The following BABAM2 variants were observed in gnomAD, a reference collection of about 807,000 sequenced individuals.
BABAM2 encodes the protein BRISC and BRCA1-A complex member 2.
BABAM2 carries 31 observed loss-of-function variants against 54.7 expected under a neutral mutation model. The ratio of observed to expected loss-of-function variants is 0.57; its 90% CI spans 0.43 to 0.77. The LOEUF is 0.77. BABAM2 is among the 30% of genes least tolerant of loss of function. The pLI is 0.00. For synonymous variants in BABAM2, 167 were observed against 162.9 expected, an observed-to-expected ratio of 1.03 and a Z score of -0.19; for missense variants, 364 against 455.8, an observed-to-expected ratio of 0.80 and a Z score of 1.83.
chr2:28,111,548 T>C lies in BABAM2; in HGVS notation c.571-17723T>C, dbSNP rs547300228. On this transcript the variant is annotated intron_variant, in intron 6 of 11. Transcript: ENST00000379624. Reference sequence around the variant, plus strand: ...TATCACTTGTATACTTATTCTTAAATCCTAAACTTTGTGTAAAATATCTTC... The same window carrying C: ...TATCACTTGTATACTTATTCTTAAACCCTAAACTTTGTGTAAAATATCTTC... Among the ~76,000 whole-genome samples, 42 of 152,340 alleles carry C rather than the reference T, an allele frequency of 2.8e-4. No individual in the cohort carries two copies. The South Asian group carries it at 8.5e-3, about 31-fold the overall frequency.
intron 2 of BABAM2, among the ~76,000 whole-genome samples, chr2:27,907,192 C>T (rs1458825819): frequency 6.6e-6 from 1 of 152,020 alleles, no homozygotes; most frequent in East Asian, 1.9e-4. Context: ...TTTCTAATGG[C>T]ATGTTATGAA....
chr2:28,131,869 A>G (rs1670107052), intron 7 of BABAM2, among the ~76,000 whole-genome samples: 1 of 152,174 alleles, frequency 6.6e-6, no homozygotes, highest in Non-Finnish European at 1.5e-5. Flanking sequence ...AGTTAATGAA[A>G]CAATCGCAAG....
chr2:28,026,805 A>G (rs1362308128), intron 5 of BABAM2, among the ~76,000 whole-genome samples: 1 of 76,554 alleles, frequency 1.3e-5, no homozygotes, highest in African/African-American at 5.6e-5. Flanking sequence ...TTATATAAAA[A>G]ATATATAAAT....
At chr2:28,026,663 A>G (rs575490750) in intron 5 of BABAM2, among the ~76,000 whole-genome samples, 50 of 147,214 alleles carry the variant, frequency 3.4e-4, no homozygotes, top group Admixed American at 7.7e-4. Context: ...GCAAACCACC[A>G]TGGCATGTGT....
intron 10 of BABAM2, among the ~76,000 whole-genome samples, chr2:28,293,545 G>A (rs1447870441): frequency 6.6e-6 from 1 of 152,202 alleles, no homozygotes; most frequent in African/African-American, 2.4e-5. Context: ...TGCAACCCGC[G>A]GAACCCATCA....
At chr2:28,076,481 TTTAG>T (rs148940632) in intron 6 of BABAM2, among the ~76,000 whole-genome samples, 4,705 of 146,466 alleles carry the variant, frequency 0.032, 234 homozygotes, top group African/African-American at 0.11. Context: ...TATTTATTTA[TTTAG>T]TTAGTTAGTT....
rs1018286848 is a variant in BABAM2 at position 28,332,073 on chromosome 2, C to G, written c.1089-6377C>G. ...GCAAACTAACACCGGAACAGAAAAC[C>G]AAACACATGTTGTCTCTTATAAGTG... is the stretch of plus-strand genomic sequence containing the variant. On this transcript the variant is annotated intron_variant, in intron 11 of 11. Coordinates refer to ENST00000379624, the MANE Select transcript of BABAM2 (RefSeq NM_199191.3). Among the ~76,000 whole-genome samples the G allele has an allele frequency of 2.0e-5, 3 of 152,250 alleles. No individual in the cohort carries two copies. In the South Asian group the frequency reaches 6.2e-4, roughly 32 times the overall value.
rs1246798120 is a variant in BABAM2 at position 28,329,217 on chromosome 2, C to T, written c.1089-9233C>T. Reference sequence around the variant, plus strand: ...CTGAGCTAGAGGGCAGAGGGGTGGCCGAGAGGAACAGGCCTTCATGTCCCC... The same window carrying T: ...CTGAGCTAGAGGGCAGAGGGGTGGCTGAGAGGAACAGGCCTTCATGTCCCC... On this transcript the variant is annotated intron_variant, in intron 11 of 11. Coordinates refer to ENST00000379624, the MANE Select transcript of BABAM2 (RefSeq NM_199191.3). This position sits in a 1 kb window ranked among gnomAD's most constrained non-coding sequence, Gnocchi z 4.2. Among the ~76,000 whole-genome samples the T allele has an allele frequency of 6.6e-6, 1 of 152,188 alleles. No homozygotes were observed. Among genetic ancestry groups the T allele is most frequent in the Non-Finnish European group, 1.5e-5 (1 of 68,044 alleles).
At chr2:28,003,018 G>T (rs1423148037) in intron 4 of BABAM2, among the ~76,000 whole-genome samples, 33 of 152,112 alleles carry the variant, frequency 2.2e-4, no homozygotes, top group Non-Finnish European at 4.4e-5. Context: ...ATCATCTAGA[G>T]GGTGTTTTAG....
intron 7 of BABAM2, among the ~76,000 whole-genome samples, chr2:28,197,659 G>A (rs946709359): frequency 6.6e-6 from 1 of 152,146 alleles, no homozygotes; most frequent in Non-Finnish European, 1.5e-5. Flanking sequence ...TAGTAACAAA[G>A]CCCCATTCCA....
At chr2:28,274,597 A>AT (rs1320997049) in intron 10 of BABAM2, among the ~76,000 whole-genome samples, 1 of 151,984 alleles carries the variant, frequency 6.6e-6, no homozygotes, top group Non-Finnish European at 1.5e-5. Flanking sequence ...TGCCCAGCTA[A>AT]TTTTTTGTGT....
chr2:27,907,027 T>G (rs1286646897), intron 2 of BABAM2, among the ~76,000 whole-genome samples: 1 of 152,186 alleles, frequency 6.6e-6, no homozygotes, highest in Non-Finnish European at 1.5e-5. Flanking sequence ...CACTCATATG[T>G]TAAAAGTCTC....
intron 4 of BABAM2, among the ~76,000 whole-genome samples, chr2:28,006,673 G>A (rs1197243663): frequency 6.6e-6 from 1 of 151,982 alleles, no homozygotes; most frequent in African/African-American, 2.4e-5. Flanking sequence ...ATCAAGTAAG[G>A]TGAATGATAC....
chr2:28,248,572 C>CA (rs1299880955), intron 10 of BABAM2, among the ~76,000 whole-genome samples: 3 of 151,764 alleles, frequency 2.0e-5, no homozygotes, highest in East Asian at 1.9e-4. Flanking sequence ...AGTAACAGAA[C>CA]AAAAAAAATC....
chr2:28,337,725 C>G (rs1691593909), intron 11 of BABAM2, among the ~76,000 whole-genome samples: 1 of 152,218 alleles, frequency 6.6e-6, no homozygotes, highest in Admixed American at 6.5e-5. Flanking sequence ...TGGCTCAGGC[C>G]TATAATCCCA....
At chr2:28,040,626 G>T (rs984062263) in intron 5 of BABAM2, among the ~76,000 whole-genome samples, 2 of 152,032 alleles carry the variant, frequency 1.3e-5, no homozygotes, top group Non-Finnish European at 2.9e-5. Context: ...GAGTCTTAGC[G>T]TTCAACATTT....
At chr2:28,058,085 A>G (rs1372191331) in intron 6 of BABAM2, among the ~76,000 whole-genome samples, 1 of 152,048 alleles carries the variant, frequency 6.6e-6, no homozygotes, top group Non-Finnish European at 1.5e-5. Flanking sequence ...CGGAGCTTGC[A>G]GTAAGCCAAG....
At chr2:28,016,782 T>C (rs1176403661) in intron 4 of BABAM2, among the ~76,000 whole-genome samples, 3 of 152,252 alleles carry the variant, frequency 2.0e-5, no homozygotes, top group South Asian at 4.1e-4. Context: ...ATCAGTGTGC[T>C]ACAATTTGTA....
intron 3 of BABAM2, among the ~76,000 whole-genome samples, chr2:27,953,152 G>A (rs1421325697): frequency 6.6e-6 from 1 of 151,894 alleles, no homozygotes; most frequent in Non-Finnish European, 1.5e-5. Context: ...AGGACTACAG[G>A]TGTGTGCCAC....
Sources: gnomAD v4.1 joint callset for allele counts (sites outside exome capture counted in the v4.1 genomes callset) on GRCh38, gnomAD v4.1.1 for gene constraint, Gnocchi (gnomAD v3.1) non-coding constraint, MANE v1.5 for transcripts, NCBI Gene and HGNC (gene_info 2026-07-23, HGNC 2026-07-21) for gene names.